The following ATP2C1 variants were observed in gnomAD, a reference collection of about 807,000 sequenced individuals.
ATP2C1 encodes ATPase secretory pathway Ca2+ transporting 1.
ATP2C1 carries 31 observed loss-of-function variants against 120.5 expected under a neutral mutation model. The ratio of observed to expected loss-of-function variants is 0.26; its 90% CI spans 0.19 to 0.35. The LOEUF (loss-of-function observed/expected upper bound fraction) is 0.35. Among genes scored for constraint, ATP2C1 ranks in the 10% least tolerant of loss-of-function variants. The pLI, the probability that ATP2C1 is intolerant of heterozygous loss-of-function variation, is 1.00. For missense variants in ATP2C1, 731 were observed against 1,107.5 expected (o/e 0.66, Z 4.83); for synonymous variants, 351 against 358.7 (o/e 0.98, Z 0.24).
intron 1 of ATP2C1, among the ~76,000 whole-genome samples, chr3:130,862,142 T>C (rs1340141936): frequency 6.9e-6 from 1 of 144,736 alleles, no homozygotes; most frequent in Non-Finnish European, 1.5e-5. Context: ...CCTGGCTAAT[T>C]TTTTTTTTTT....
At chr3:130,921,507 A>C (rs558043135) in intron 2 of ATP2C1, among the ~76,000 whole-genome samples, 1 of 152,250 alleles carries the variant, frequency 6.6e-6, no homozygotes, top group East Asian at 1.9e-4. Context: ...TGAAGTAGGG[A>C]GAGTGGGCAT....
chr3:130,919,220 TTC>T (rs2058832288), intron 2 of ATP2C1: 1 of 172,826 alleles, frequency 5.8e-6, no homozygotes, highest in Admixed American at 6.4e-5. Flanking sequence ...TAGAATTTCT[TTC>T]TTTCTTTCTT....
chr3:130,931,554 C>G (rs2059449254), intron 3 of ATP2C1, among the ~76,000 whole-genome samples: 1 of 151,940 alleles, frequency 6.6e-6, no homozygotes, highest in Non-Finnish European at 1.5e-5. Flanking sequence ...AATGGCGAAA[C>G]AACAATGAAA....
intron 1 of ATP2C1, among the ~76,000 whole-genome samples, chr3:130,882,004 TAATG>T (rs1482878936): frequency 6.6e-6 from 1 of 152,176 alleles, no homozygotes; most frequent in Non-Finnish European, 1.5e-5. Context: ...CAAATAAAAA[TAATG>T]AAACTTCTTC....
chr3:130,855,285 T>C (rs1266806203), intron 1 of ATP2C1, among the ~76,000 whole-genome samples: 6 of 152,228 alleles, frequency 3.9e-5, no homozygotes, highest in Non-Finnish European at 7.3e-5. Flanking sequence ...GGGAATATGA[T>C]ATTATTTTGT....
chr3:130,965,115 A>G, intron 14 of ATP2C1, 70 bp downstream of exon 14: 2 of 1,066,062 alleles, frequency 1.9e-6, no homozygotes, highest in Non-Finnish European at 2.9e-6. Context: ...TAACATTCCT[A>G]ACAGTTCCAG....
chr3:130,938,958 T>C (rs752848635), intron 6 of ATP2C1, among the ~76,000 whole-genome samples: 3 of 152,224 alleles, frequency 2.0e-5, no homozygotes, highest in Non-Finnish European at 2.9e-5. Flanking sequence ...AGTGTTGTTA[T>C]ACACATTAAA....
chr3:130,898,581 C>T (rs2069849760), intron 2 of ATP2C1, among the ~76,000 whole-genome samples: 1 of 152,120 alleles, frequency 6.6e-6, no homozygotes, highest in South Asian at 2.1e-4. Context: ...ATATATATGA[C>T]ATTTTGTAAA....
Position 131,002,804 on chromosome 3 carries a change from A to T in ATP2C1, c.*1454A>T. The T allele has an allele frequency of 1.0e-6, 1 of 985,698 alleles. No homozygotes were observed. The allele number at this position is 985,698 out of a possible 1,614,324, so 61.1% of individuals were successfully genotyped here. On this transcript the variant is annotated 3_prime_UTR_variant, in exon 28 of 28. Coordinates refer to ENST00000510168, the MANE Select transcript of ATP2C1 (RefSeq NM_001378687.1). ...AAATATTGTCATTGATAGGGAAAAT[A>T]TCTATTCTTTGAGTCATTGTTACTG...
chr3:130,899,996 C>T (rs1169058246), intron 2 of ATP2C1, among the ~76,000 whole-genome samples: 1 of 151,960 alleles, frequency 6.6e-6, no homozygotes, highest in African/African-American at 2.4e-5. Context: ...AACTCGTGTC[C>T]CTCCCTCAGA....
intron 5 of ATP2C1, among the ~76,000 whole-genome samples, chr3:130,936,717 T>C (rs2059686611): frequency 6.7e-6 from 1 of 148,484 alleles, no homozygotes; most frequent in Non-Finnish European, 1.5e-5. Flanking sequence ...CTCGGGAGGC[T>C]GAGGCAGGAG....
At chr3:130,929,230 A>G (rs1453102804) in intron 2 of ATP2C1, among the ~76,000 whole-genome samples, 1 of 152,220 alleles carries the variant, frequency 6.6e-6, no homozygotes. Flanking sequence ...TTAAACGTCC[A>G]ACTGTACTTT....
intron 1 of ATP2C1, among the ~76,000 whole-genome samples, chr3:130,887,369 T>C (rs900409485): frequency 1.3e-5 from 2 of 152,208 alleles, no homozygotes; most frequent in Non-Finnish European, 2.9e-5. Flanking sequence ...GGCTCTACCA[T>C]TAGCAGGTGG....
chr3:130,949,400 T>G (rs2060275865), intron 8 of ATP2C1, among the ~76,000 whole-genome samples: 1 of 152,142 alleles, frequency 6.6e-6, no homozygotes, highest in Non-Finnish European at 1.5e-5. Context: ...TCTCTTCAGT[T>G]CTGTGAAGGC....
intron 8 of ATP2C1, among the ~76,000 whole-genome samples, chr3:130,951,315 A>G (rs912960852): frequency 1.3e-5 from 2 of 152,180 alleles, no homozygotes; most frequent in Admixed American, 1.3e-4. Context: ...TTATCTGCAT[A>G]GTGTTGTACC....
chr3:130,867,559 C>T (rs547165189), intron 1 of ATP2C1, among the ~76,000 whole-genome samples: 3 of 149,486 alleles, frequency 2.0e-5, no homozygotes, highest in East Asian at 2.0e-4. Context: ...CCCGAGGTGC[C>T]GGGATTGCAG....
chr3:130,989,254 A>AAC (rs1553778498), intron 20 of ATP2C1, among the ~76,000 whole-genome samples: 1 of 147,366 alleles, frequency 6.8e-6, no homozygotes, highest in Non-Finnish European at 1.5e-5. Flanking sequence ...TCTCAAAAAA[A>AAC]AAAAAAACAA....
At chr3:130,901,411 G>A (rs1257936756) in intron 2 of ATP2C1, among the ~76,000 whole-genome samples, 1 of 152,048 alleles carries the variant, frequency 6.6e-6, no homozygotes, top group Non-Finnish European at 1.5e-5. Flanking sequence ...TCATCTGTTA[G>A]AAGATAAAGG....
At chr3:131,001,117 A>AG in intron 27 of ATP2C1, 103 bp from the exon 28 acceptor site, 2 of 912,426 alleles carry the variant, frequency 2.2e-6, no homozygotes. Context: ...AAAAAAAAAA[A>AG]AAAAAAAAAA....
Sources: gnomAD v4.1 joint callset for allele counts (sites outside exome capture counted in the v4.1 genomes callset) on GRCh38, gnomAD v4.1.1 for gene constraint, MANE v1.5 for transcripts, NCBI Gene and HGNC (gene_info 2026-07-23, HGNC 2026-07-21) for gene names.